The following CRADD variants were observed in gnomAD, a reference collection of about 807,000 sequenced individuals.
CRADD encodes the protein death domain-containing protein CRADD.
CRADD carries 9 observed loss-of-function variants against 15.5 expected under a neutral mutation model. The ratio of observed to expected loss-of-function variants is 0.58; its 90% CI spans 0.35 to 1.01. The LOEUF (loss-of-function observed/expected upper bound fraction) is 1.01. Ranked by LOEUF, CRADD falls within the 50% of genes least tolerant of loss-of-function variation. CRADD has a pLI of 0.02. For missense variants in CRADD, 227 were observed against 250.3 expected, an observed-to-expected ratio of 0.91 and a Z score of 0.63; for synonymous variants, 118 against 107.6, an observed-to-expected ratio of 1.10 and a Z score of -0.60.
In CRADD at chr12:93,824,919, C is replaced by T. The variant is rs1221428491; in HGVS notation, c.299-25051C>T. Among the ~76,000 whole-genome samples the T allele has an allele frequency of 6.6e-6, 1 of 152,184 alleles. No individual in the cohort carries two copies. The highest frequency in any genetic ancestry group is 2.4e-5 in the African/African-American group (1 of 41,446). ...CGTCTTTTTGCCAATTAAATGTTTA[C>T]ATTATCTTTTTGCTCAGATAGTTTT... On this transcript the variant is annotated intron_variant, in intron 2 of 2. Coordinates refer to ENST00000332896, the MANE Select transcript of CRADD (RefSeq NM_003805.5). The surrounding 1 kb of genome is among the most constrained non-coding windows in gnomAD (Gnocchi z 4.3).
chr12:93,879,727 G>T (rs1020462534), intron 2 of CRADD, among the ~76,000 whole-genome samples: 2 of 151,988 alleles, frequency 1.3e-5, no homozygotes, highest in Non-Finnish European at 1.5e-5. Flanking sequence ...TTTCTCTCTG[G>T]CCCTAGTTCT....
In CRADD at chr12:93,850,164, A is replaced by C. The variant is rs1042696008; in HGVS notation, c.493A>C (p.Ile165Leu). The C allele has an allele frequency of 1.2e-6, 2 of 1,613,796 alleles. No individual in the cohort carries two copies. The highest frequency in any genetic ancestry group is 1.7e-6 in the Non-Finnish European group (2 of 1,179,826). ...NVQSQVVEAF[I>L]RWRQRFGKQA... The stretch of plus-strand genomic sequence containing the variant: ...GCAGTCGCAGGTGGTGGAGGCCTTC[A>C]TCCGTTGGCGGCAGCGCTTCGGGAA... The change falls in exon 3 of 3, where the codon ATC becomes CTC. Residue 165 changes from isoleucine (I) to leucine (L), a missense_variant. Physicochemically the swap from Ile to Leu is conservative, Grantham distance 5. Coordinates refer to ENST00000332896, the MANE Select transcript of CRADD (RefSeq NM_003805.5). The surrounding 1 kb of genome is among the most constrained non-coding windows in gnomAD (Gnocchi z 4.0).
chr12:93,855,362 C>G (rs1417221952), downstream of CRADD, among the ~76,000 whole-genome samples: 2 of 152,246 alleles, frequency 1.3e-5, no homozygotes, highest in East Asian at 3.9e-4. Context: ...AGCTATTCAG[C>G]AAACTCTCAA....
intron 2 of CRADD, among the ~76,000 whole-genome samples, chr12:93,786,045 A>G (rs563947521): frequency 6.6e-6 from 1 of 152,360 alleles, no homozygotes; most frequent in East Asian, 1.9e-4. Context: ...TCACAGACTC[A>G]AAAGCATTAA....
intron 2 of CRADD, among the ~76,000 whole-genome samples, chr12:93,770,456 T>G (rs1957075654): frequency 6.6e-6 from 1 of 152,300 alleles, no homozygotes; most frequent in Non-Finnish European, 1.5e-5. Flanking sequence ...AGATCTACAA[T>G]CCACATGGAA....
chr12:93,787,459 T>G (rs2934414), intron 2 of CRADD, among the ~76,000 whole-genome samples: 1 of 152,104 alleles, frequency 6.6e-6, no homozygotes, highest in Admixed American at 6.6e-5. Context: ...AAATAAGTGG[T>G]GCTCACATGT....
intron 2 of CRADD, among the ~76,000 whole-genome samples, chr12:93,681,877 G>A (rs75043126): frequency 0.024 from 3,707 of 151,924 alleles, 138 homozygotes; most frequent in African/African-American, 0.076. Context: ...GTGTGTGTGT[G>A]TATATGTATA....
At chr12:93,794,164 G>A (rs1823006668) in intron 2 of CRADD, among the ~76,000 whole-genome samples, 1 of 152,008 alleles carries the variant, frequency 6.6e-6, no homozygotes, top group Non-Finnish European at 1.5e-5. Context: ...GCATCTTGCT[G>A]GTTTCCAACA....
At chr12:93,848,996 T>A (rs1958173104) in intron 2 of CRADD, 1 of 152,218 alleles carries the variant, frequency 6.6e-6, no homozygotes, top group South Asian at 2.1e-4. Context: ...CAAACCCCGC[T>A]CTCTTCCCTT....
At chr12:93,780,976 G>A (rs1322885260) in intron 2 of CRADD, among the ~76,000 whole-genome samples, 1 of 149,162 alleles carries the variant, frequency 6.7e-6, no homozygotes, top group Non-Finnish European at 1.5e-5. Flanking sequence ...GGCTGGTCTC[G>A]AACTCCTGAC....
At chr12:93,760,186 A>G (rs573746512) in intron 2 of CRADD, among the ~76,000 whole-genome samples, 1 of 152,308 alleles carries the variant, frequency 6.6e-6, no homozygotes, top group East Asian at 1.9e-4. Context: ...AGGAGTTATA[A>G]TTAGGAGAAA....
chr12:93,848,645 T>C (rs1230035361), intron 2 of CRADD: 1 of 152,422 alleles, frequency 6.6e-6, no homozygotes, highest in African/African-American at 2.4e-5. Flanking sequence ...GCACATGCAA[T>C]TCTCTCTTCT....
intron 2 of CRADD, among the ~76,000 whole-genome samples, chr12:93,878,837 C>G (rs1958475596): frequency 6.6e-6 from 1 of 152,198 alleles, no homozygotes; most frequent in South Asian, 2.1e-4. Flanking sequence ...GTGGCTCTTT[C>G]ATCGGTATGA....
At chr12:93,703,123 C>G (rs922762284) in intron 2 of CRADD, among the ~76,000 whole-genome samples, 11 of 152,072 alleles carry the variant, frequency 7.2e-5, no homozygotes, top group African/African-American at 2.7e-4. Context: ...TGGAAGAAAA[C>G]AGATCCAGCC....
intron 2 of CRADD, among the ~76,000 whole-genome samples, chr12:93,754,007 C>T (rs540719216): frequency 8.5e-5 from 13 of 152,378 alleles, no homozygotes; most frequent in South Asian, 6.2e-4. Context: ...ATGAGCGCTC[C>T]GCCCCTGCAG....
chr12:93,818,178 G>C (rs1957728706), intron 2 of CRADD, among the ~76,000 whole-genome samples: 1 of 152,202 alleles, frequency 6.6e-6, no homozygotes, highest in Non-Finnish European at 1.5e-5. Context: ...TTGCAGGTCA[G>C]CATATTTTTC....
At chr12:93,739,789 T>C (rs988950238) in intron 2 of CRADD, among the ~76,000 whole-genome samples, 2 of 152,212 alleles carry the variant, frequency 1.3e-5, no homozygotes, top group African/African-American at 2.4e-5. Context: ...GTCTGTACTT[T>C]TAAATTAATG....
At chr12:93,690,965 A>G (rs937628151) in intron 2 of CRADD, among the ~76,000 whole-genome samples, 6 of 152,254 alleles carry the variant, frequency 3.9e-5, no homozygotes, top group Non-Finnish European at 7.3e-5. Flanking sequence ...TAAAAAATAC[A>G]AAAGAAAATG....
intron 2 of CRADD, among the ~76,000 whole-genome samples, chr12:93,882,411 A>T (rs1958508692): frequency 7.4e-6 from 1 of 135,784 alleles, no homozygotes; most frequent in Admixed American, 7.8e-5. Flanking sequence ...ACAGAGCGAG[A>T]CTCTGTCTCA....
Sources: allele counts gnomAD v4.1 joint callset (sites outside exome capture counted in the v4.1 genomes callset), GRCh38; gene constraint gnomAD v4.1.1; non-coding constraint Gnocchi (gnomAD v3.1); transcripts MANE v1.5; gene names NCBI Gene and HGNC (gene_info 2026-07-23, HGNC 2026-07-21).